Variants in RBPJ observed in about 807,000 individuals in gnomAD.
The protein encoded by RBPJ is recombining binding protein suppressor of hairless.
A neutral mutation model predicts 67.8 loss-of-function variants in RBPJ; 9 were observed. The observed-to-expected ratio is 0.13, with a 90% CI of 0.08 to 0.23. RBPJ has a LOEUF of 0.23. RBPJ is among the 10% of genes least tolerant of loss of function. The pLI, the probability that RBPJ is intolerant of heterozygous loss-of-function variation, is 1.00. For missense variants in RBPJ, 305 were observed against 595.6 expected, an observed-to-expected ratio of 0.51 and a Z score of 5.08; for synonymous variants, 198 against 203.3, an observed-to-expected ratio of 0.97 and a Z score of 0.22.
the RBPJ span, among the ~76,000 whole-genome samples, chr4:26,127,932 G>A: frequency 1.3e-5 from 2 of 152,204 alleles, no homozygotes; most frequent in Non-Finnish European, 2.9e-5. Context: ...TTCATCTGGG[G>A]CACTCCCTGC....
At chr4:26,359,913 A>G (rs1396461111) in intron 1 of RBPJ, 1 of 152,232 alleles carries the variant, frequency 6.6e-6, no homozygotes, top group Non-Finnish European at 1.5e-5. Context: ...GTTTGCTAGC[A>G]GTTATTTGAT....
At chr4:26,128,932 T>G in the RBPJ span, among the ~76,000 whole-genome samples, 1 of 152,240 alleles carries the variant, frequency 6.6e-6, no homozygotes, top group Non-Finnish European at 1.5e-5. Flanking sequence ...CCTTTCACCT[T>G]CTGCCATGAT....
chr4:26,356,211 CAG>C (rs1211736770), intron 1 of RBPJ, among the ~76,000 whole-genome samples: 2 of 152,202 alleles, frequency 1.3e-5, no homozygotes, highest in African/African-American at 4.8e-5. Context: ...GCTGGACCTG[CAG>C]AGTGTGTCAC....
intron 1 of RBPJ, among the ~76,000 whole-genome samples, chr4:26,263,291 T>G (rs1458401877): frequency 2.6e-5 from 4 of 152,242 alleles, no homozygotes; most frequent in Non-Finnish European, 4.4e-5. Flanking sequence ...TCCTCCCAGT[T>G]TATTACTCTA....
upstream of RBPJ, among the ~76,000 whole-genome samples, chr4:26,319,020 AAG>A (rs1406970426): frequency 6.6e-4 from 100 of 150,878 alleles, no homozygotes; most frequent in Non-Finnish European, 1.1e-3. Context: ...AAAAAAAAAA[AAG>A]AAACCAATTG....
intron 7 of RBPJ, among the ~76,000 whole-genome samples, chr4:26,427,362 G>A (rs1219738488): frequency 2.0e-5 from 3 of 152,170 alleles, no homozygotes; most frequent in Non-Finnish European, 2.9e-5. Flanking sequence ...TGAGGTGCCT[G>A]TTAGACATCG....
At chr4:26,334,965 G>T (rs187565733) in intron 1 of RBPJ, among the ~76,000 whole-genome samples, 1 of 151,964 alleles carries the variant, frequency 6.6e-6, no homozygotes, top group Non-Finnish European at 1.5e-5. Flanking sequence ...GTTTAGATTC[G>T]CATTTTAAAA....
rs183311107 is a variant in RBPJ at position 26,293,569 on chromosome 4, G to A, written c.-166-68877G>A. On this transcript the variant is annotated intron_variant, in intron 1 of 4. Transcript: ENST00000512351. ...AAAGTTTGCTTGAACCCAGGAGTTCGGGGCTGCACTGAGCTGTGATTGTGC... is the reference window on the plus strand; with the variant it reads ...AAAGTTTGCTTGAACCCAGGAGTTCAGGGCTGCACTGAGCTGTGATTGTGC... Among the ~76,000 whole-genome samples, 131 of 150,344 alleles carry A rather than the reference G, an allele frequency of 8.7e-4. 8 individuals carry two copies. The highest frequency in any genetic ancestry group is 5.0e-3 in the Admixed American group (75 of 15,114).
the RBPJ span, among the ~76,000 whole-genome samples, chr4:26,107,448 G>C: frequency 6.6e-6 from 1 of 152,186 alleles, no homozygotes; most frequent in African/African-American, 2.4e-5. Flanking sequence ...CAAATGTTTG[G>C]CTTCTCAAAG....
intron 1 of RBPJ, among the ~76,000 whole-genome samples, chr4:26,360,695 C>G (rs1727957478): frequency 6.6e-6 from 1 of 150,990 alleles, no homozygotes; most frequent in South Asian, 2.1e-4. Context: ...CCAGGTCCTG[C>G]CTCAGCCTCC....
chr4:26,185,886 A>T (rs1717231966), intron 1 of RBPJ, among the ~76,000 whole-genome samples: 1 of 152,184 alleles, frequency 6.6e-6, no homozygotes, highest in Non-Finnish European at 1.5e-5. Context: ...TCTCTACTGA[A>T]AATACAAAAA....
At chr4:26,244,224 C>CACATATATGTAT (rs1252258593) in intron 1 of RBPJ, among the ~76,000 whole-genome samples, 43 of 141,012 alleles carry the variant, frequency 3.0e-4, no homozygotes, top group Admixed American at 8.1e-4. Context: ...CATATGTGTA[C>CACATATATGTAT]ACATATATGT....
chr4:26,186,411 A>C (rs535460604), intron 1 of RBPJ, among the ~76,000 whole-genome samples: 1 of 152,192 alleles, frequency 6.6e-6, no homozygotes, highest in Admixed American at 6.5e-5. Context: ...TACACAGTGA[A>C]TACTACATGG....
intron 1 of RBPJ, among the ~76,000 whole-genome samples, chr4:26,245,355 C>A (rs747498882): frequency 5.3e-5 from 8 of 151,926 alleles, no homozygotes; most frequent in Admixed American, 5.2e-4. Flanking sequence ...ACTACAGGCA[C>A]GTGCCACCAC....
intron 4 of RBPJ, among the ~76,000 whole-genome samples, chr4:26,419,662 T>A (rs968191874): frequency 1.3e-5 from 2 of 152,216 alleles, no homozygotes; most frequent in Non-Finnish European, 2.9e-5. Context: ...ATACTTATGC[T>A]GTGTTTCAGC....
intron 1 of RBPJ, among the ~76,000 whole-genome samples, chr4:26,205,072 G>C (rs1040690582): frequency 2.6e-5 from 4 of 152,186 alleles, no homozygotes; most frequent in Non-Finnish European, 4.4e-5. Context: ...ACTGCAGGAT[G>C]GGGGAGGGGC....
At chr4:26,283,791 C>T (rs950287939) in intron 1 of RBPJ, among the ~76,000 whole-genome samples, 1 of 151,946 alleles carries the variant, frequency 6.6e-6, no homozygotes, top group Admixed American at 6.6e-5. Flanking sequence ...GGACTACAGG[C>T]ATGTGTCACC....
intron 1 of RBPJ, among the ~76,000 whole-genome samples, chr4:26,183,540 C>G (rs149159429): frequency 6.6e-6 from 1 of 152,296 alleles, no homozygotes; most frequent in East Asian, 1.9e-4. Context: ...CACTTCAGTT[C>G]TTTTGATGCT....
intron 1 of RBPJ, among the ~76,000 whole-genome samples, chr4:26,244,451 A>G (rs1371446394): frequency 2.0e-5 from 1 of 49,658 alleles, no homozygotes; most frequent in African/African-American, 6.2e-5. Flanking sequence ...GTGTGTATAC[A>G]TATATGTGTG....
Sources: gnomAD v4.1 joint callset for allele counts (sites outside exome capture counted in the v4.1 genomes callset) on GRCh38, gnomAD v4.1.1 for gene constraint, MANE v1.5 for transcripts, NCBI Gene and HGNC (gene_info 2026-07-23, HGNC 2026-07-21) for gene names.